The following ENOX1 variants were observed in gnomAD, a reference collection of about 807,000 sequenced individuals.
The protein encoded by ENOX1 is candidate growth-related and time keeping constitutive hydroquinone (NADH) oxidase.
ENOX1 carries 42 observed loss-of-function variants against 82.5 expected under a neutral mutation model. The ratio of observed to expected loss-of-function variants is 0.51; its 90% CI spans 0.40 to 0.66. ENOX1 has a LOEUF of 0.66. ENOX1 is among the 30% of genes least tolerant of loss of function. The probability of loss-of-function intolerance (pLI) is 0.00; values close to 1 mark genes in which losing one functional copy is unlikely to be tolerated. For missense variants in ENOX1, 608 were observed against 811.6 expected, an observed-to-expected ratio of 0.75 and a Z score of 3.05; for synonymous variants, 271 against 282.2, an observed-to-expected ratio of 0.96 and a Z score of 0.40.
intron 5 of ENOX1, among the ~76,000 whole-genome samples, chr13:43,382,172 T>C (rs2052093059): frequency 6.6e-6 from 1 of 152,130 alleles, no homozygotes; most frequent in Non-Finnish European, 1.5e-5. Flanking sequence ...CTGAGTAGTT[T>C]ATCCCAGAGA....
intron 2 of ENOX1, among the ~76,000 whole-genome samples, chr13:43,654,836 T>C (rs1324605109): frequency 6.6e-6 from 1 of 152,210 alleles, no homozygotes; most frequent in African/African-American, 2.4e-5. Context: ...GATGGAACTA[T>C]CCCTTCATTT....
At chr13:43,572,829 T>G (rs1310217800) in intron 2 of ENOX1, among the ~76,000 whole-genome samples, 2 of 152,232 alleles carry the variant, frequency 1.3e-5, no homozygotes, top group African/African-American at 4.8e-5. Flanking sequence ...CTATCCCTGC[T>G]GTTAGAGGGA....
intron 2 of ENOX1, among the ~76,000 whole-genome samples, chr13:43,644,355 G>T (rs980843954): frequency 6.6e-6 from 1 of 152,154 alleles, no homozygotes; most frequent in African/African-American, 2.4e-5. Context: ...ATAGCTCTGT[G>T]TACGCCTACA....
At chr13:43,676,844 T>A (rs1480035800) in intron 1 of ENOX1, among the ~76,000 whole-genome samples, 2 of 152,284 alleles carry the variant, frequency 1.3e-5, no homozygotes, top group East Asian at 3.9e-4. Flanking sequence ...AAAATCATGG[T>A]GGTCATATGT....
intron 1 of ENOX1, among the ~76,000 whole-genome samples, chr13:43,778,326 T>C (rs1169415022): frequency 6.6e-6 from 1 of 152,208 alleles, no homozygotes; most frequent in East Asian, 1.9e-4. Context: ...TCTTTACCCC[T>C]TTATCCCCTT....
intron 12 of ENOX1, among the ~76,000 whole-genome samples, chr13:43,282,650 C>G (rs1322717817): frequency 6.6e-6 from 1 of 151,862 alleles, no homozygotes; most frequent in Non-Finnish European, 1.5e-5. Flanking sequence ...TCTCAAACTC[C>G]TGGGCTCAAG....
rs566720244 is a variant in ENOX1, at chr13:43,506,255, T to G, written c.-218-22103A>C. The stretch of plus-strand genomic sequence containing the variant: ...AAAAAATGCTCATCATTACTGGCCA[T>G]CAGAGAAATGCAAATCAAAACCACA... On this transcript the variant is annotated intron_variant, in intron 2 of 16. Coordinates refer to ENST00000690772, the MANE Select transcript of ENOX1 (RefSeq NM_001347969.2). 1.1e-4 allele frequency among the ~76,000 whole-genome samples: 17 copies of G among 151,962 alleles called. No individual in the cohort carries two copies. In the South Asian group the frequency reaches 3.5e-3, roughly 32 times the overall value.
At position 43,781,431 on chromosome 13, in the gene ENOX1, GC is replaced by G. The variant is rs552651306; in HGVS notation, c.-285+5220del. On this transcript the variant is annotated intron_variant, in intron 1 of 16. Coordinates refer to ENST00000690772, the MANE Select transcript of ENOX1 (RefSeq NM_001347969.2). ...AATTCAAATGAATTCTTCCTATGCT[GC>G]TACATTTCTAAAAATCTGAATACAT... Among the ~76,000 whole-genome samples the G allele has an allele frequency of 3.3e-5, 5 of 152,192 alleles. No homozygotes were observed. The East Asian group carries it at 9.6e-4, about 29-fold the overall frequency.
chr13:43,651,733 G>A (rs1294377052), intron 2 of ENOX1, among the ~76,000 whole-genome samples: 2 of 142,708 alleles, frequency 1.4e-5, no homozygotes, highest in African/African-American at 5.1e-5. Context: ...AGCACTTTGG[G>A]AGGCCACGGT....
At chr13:43,317,216 G>C (rs116664645) in intron 11 of ENOX1, among the ~76,000 whole-genome samples, 5 of 152,190 alleles carry the variant, frequency 3.3e-5, no homozygotes, top group Admixed American at 2.0e-4. Flanking sequence ...AGCCAATCTC[G>C]GGTGAGCCTG....
chr13:43,541,171 C>CTTTTTTTT (rs1555317884), intron 2 of ENOX1, among the ~76,000 whole-genome samples: 1 of 38,734 alleles, frequency 2.6e-5, no homozygotes, highest in African/African-American at 6.4e-5. Context: ...CTTCTTCCCT[C>CTTTTTTTT]TGTTTTTTTT....
chr13:43,518,626 G>C (rs1264986466), intron 2 of ENOX1, among the ~76,000 whole-genome samples: 2 of 151,950 alleles, frequency 1.3e-5, no homozygotes, highest in African/African-American at 4.8e-5. Context: ...CCCAAATTTT[G>C]TTCATGCAAT....
intron 2 of ENOX1, among the ~76,000 whole-genome samples, chr13:43,592,389 T>C (rs1159290949): frequency 6.6e-6 from 1 of 152,208 alleles, no homozygotes; most frequent in Admixed American, 6.5e-5. Context: ...GATTAAGTAA[T>C]TTATGGGAAC....
intron 11 of ENOX1, among the ~76,000 whole-genome samples, chr13:43,309,931 T>C (rs1225577492): frequency 1.3e-5 from 2 of 152,084 alleles, no homozygotes; most frequent in Non-Finnish European, 1.5e-5. Context: ...CAACTGGGCG[T>C]GGTGGCTCAC....
intron 3 of ENOX1, among the ~76,000 whole-genome samples, chr13:43,471,192 T>C (rs760325041): frequency 3.4e-4 from 51 of 152,076 alleles, no homozygotes; most frequent in Non-Finnish European, 6.2e-4. Context: ...AAAAACATTA[T>C]GCTATATGAA....
chr13:43,416,424 G>T (rs1395214801), intron 3 of ENOX1, among the ~76,000 whole-genome samples: 1 of 144,520 alleles, frequency 6.9e-6, no homozygotes, highest in Non-Finnish European at 1.5e-5. Flanking sequence ...CATCCCAGAC[G>T]GGGCGGCCGG....
At chr13:43,524,920 G>A (rs61959541) in intron 2 of ENOX1, among the ~76,000 whole-genome samples, 33,253 of 151,928 alleles carry the variant, frequency 0.22, 3,987 homozygotes, top group Middle Eastern at 0.3. Context: ...AGTCTGAGTG[G>A]TAACTTTGTT....
chr13:43,294,949 G>C (rs2046208356), intron 12 of ENOX1, among the ~76,000 whole-genome samples: 1 of 152,238 alleles, frequency 6.6e-6, no homozygotes, highest in Non-Finnish European at 1.5e-5. Context: ...AAACAGAGCA[G>C]TGGTTGCTGG....
chr13:43,362,156 T>TACACACACAC (rs10531058), intron 5 of ENOX1, among the ~76,000 whole-genome samples: 119 of 145,802 alleles, frequency 8.2e-4, no homozygotes, highest in African/African-American at 2.6e-3. Flanking sequence ...TGCCCTGTAT[T>TACACACACAC]ACACACACAC....
Sources: allele counts gnomAD v4.1 joint callset (sites outside exome capture counted in the v4.1 genomes callset), GRCh38; gene constraint gnomAD v4.1.1; transcripts MANE v1.5; gene names NCBI Gene and HGNC (gene_info 2026-07-23, HGNC 2026-07-21).